The following NOS1 variants were observed in gnomAD, a reference collection of about 807,000 sequenced individuals.
NOS1 encodes the protein NOS type I.
A neutral mutation model predicts 164.5 loss-of-function variants in NOS1; 51 were observed. The observed-to-expected ratio is 0.31, with a 90% CI of 0.25 to 0.39. The LOEUF (loss-of-function observed/expected upper bound fraction) is 0.39, where lower values mean the gene tolerates loss of function less well. Ranked by LOEUF, NOS1 falls within the 10% of genes least tolerant of loss-of-function variation. The probability of loss-of-function intolerance (pLI) is 1.00; values close to 1 mark genes in which losing one functional copy is unlikely to be tolerated. For synonymous variants in NOS1, 719 were observed against 745.8 expected, an observed-to-expected ratio of 0.96 and a Z score of 0.59; for missense variants, 1,362 against 1,885.6, an observed-to-expected ratio of 0.72 and a Z score of 5.14.
chr12:117,301,056 AG>A (rs1366240923), intron 3 of NOS1, among the ~76,000 whole-genome samples: 1 of 152,204 alleles, frequency 6.6e-6, no homozygotes, highest in African/African-American at 2.4e-5. Context: ...AGAAGTTTTC[AG>A]AAGTTGAGGT....
At chr12:117,302,380 G>T (rs1873874954) in intron 3 of NOS1, among the ~76,000 whole-genome samples, 1 of 152,054 alleles carries the variant, frequency 6.6e-6, no homozygotes, top group African/African-American at 2.4e-5. Context: ...GGATCATGAG[G>T]TCAGGAGATC....
intron 1 of NOS1, among the ~76,000 whole-genome samples, chr12:117,336,355 G>A (rs1875819928): frequency 6.6e-6 from 1 of 152,296 alleles, no homozygotes; most frequent in East Asian, 1.9e-4. Context: ...ATGCAGAAAC[G>A]AGAAAACAGA....
At chr12:117,236,116 C>T (rs551338741) in intron 20 of NOS1, among the ~76,000 whole-genome samples, 1 of 152,288 alleles carries the variant, frequency 6.6e-6, no homozygotes, top group Admixed American at 6.5e-5. Flanking sequence ...TCACCCAACA[C>T]CTGCAAACTC....
chr12:117,345,688 T>C (rs1192787147), intron 1 of NOS1, among the ~76,000 whole-genome samples: 1 of 152,246 alleles, frequency 6.6e-6, no homozygotes, highest in Admixed American at 6.5e-5. Flanking sequence ...CTTCATTTAC[T>C]CAGCTTTTAT....
chr12:117,352,007 C>T (rs1305346478), intron 1 of NOS1, among the ~76,000 whole-genome samples: 1 of 151,932 alleles, frequency 6.6e-6, no homozygotes, highest in Non-Finnish European at 1.5e-5. Flanking sequence ...ATGGTGAGAC[C>T]CCGTCGCTAC....
At chr12:117,271,776 A>G (rs541751790) in intron 10 of NOS1, among the ~76,000 whole-genome samples, 4 of 152,258 alleles carry the variant, frequency 2.6e-5, no homozygotes, top group African/African-American at 9.6e-5. Flanking sequence ...TGCTTTCACC[A>G]AAGTTGGGCT....
intron 3 of NOS1, among the ~76,000 whole-genome samples, chr12:117,291,022 G>C (rs957832388): frequency 2.6e-5 from 4 of 152,086 alleles, no homozygotes; most frequent in Non-Finnish European, 4.4e-5. Flanking sequence ...AGATCAGCCT[G>C]GCCAACTTGG....
chr12:117,249,039 GGTT>G (rs1373788916), intron 17 of NOS1, among the ~76,000 whole-genome samples: 1 of 152,042 alleles, frequency 6.6e-6, no homozygotes, highest in African/African-American at 2.4e-5. Flanking sequence ...ATTTTGATGG[GGTT>G]GTTTGTTTTT....
Position 117,330,241 on chromosome 12 carries a change from G to C in NOS1, c.725+104C>G, listed in dbSNP as rs1875459402. ...AAAACAGGTATCTGAGACAGCCCAG[G>C]TTGGCTTCTGGGCTATGAGGCTGAG... On this transcript the variant is annotated intron_variant, in intron 2 of 28. Transcript: ENST00000317775. The surrounding 1 kb of genome is among the most constrained non-coding windows in gnomAD (Gnocchi z 4.6). The C allele has an allele frequency of 1.4e-6, 2 of 1,454,178 alleles. No individual in the cohort carries two copies. Among genetic ancestry groups the C allele is most frequent in the Admixed American group, 5.1e-5 (2 of 39,584 alleles). 90.1% of individuals were successfully genotyped at this position (1,454,178 alleles called of 1,614,324 possible).
chr12:117,309,069 T>G (rs1489775091), intron 3 of NOS1, among the ~76,000 whole-genome samples: 1 of 152,240 alleles, frequency 6.6e-6, no homozygotes, highest in Non-Finnish European at 1.5e-5. Context: ...GCTGTCTTTC[T>G]TTCTCTTGTG....
At chr12:117,278,474 G>T (rs1873358568) in intron 8 of NOS1, among the ~76,000 whole-genome samples, 1 of 152,210 alleles carries the variant, frequency 6.6e-6, no homozygotes, top group Non-Finnish European at 1.5e-5. Flanking sequence ...GGCAAGGGCT[G>T]AACCTGACTA....
At position 117,284,756 on chromosome 12, in the gene NOS1, T is replaced by C. The variant is rs9658360; in HGVS notation, c.1382+485A>G. On this transcript the variant is annotated intron_variant, in intron 7 of 28. Transcript: ENST00000317775. ...AAGGAAAATGGGATGGTGTATGGAA[T>C]AAAGATGCCGGGGCTGGGCGTGGTG... Among the ~76,000 whole-genome samples the C allele has an allele frequency of 4.3e-3, 660 of 152,132 alleles. 6 individuals carry two copies. Among genetic ancestry groups the C allele is most frequent in the Middle Eastern group, 0.014 (4 of 294 alleles).
intron 18 of NOS1, among the ~76,000 whole-genome samples, chr12:117,244,310 C>T (rs2135956520): frequency 6.6e-6 from 1 of 152,160 alleles, no homozygotes; most frequent in South Asian, 2.1e-4. Flanking sequence ...GTGGTGTGAT[C>T]TTGGCTCACT....
chr12:117,254,915 T>C (rs1871326323), intron 16 of NOS1, among the ~76,000 whole-genome samples: 2 of 152,170 alleles, frequency 1.3e-5, no homozygotes. Context: ...TCTATCAAAT[T>C]TCACATTTCA....
intron 10 of NOS1, among the ~76,000 whole-genome samples, chr12:117,270,415 T>C (rs932428487): frequency 1.3e-5 from 2 of 152,062 alleles, no homozygotes; most frequent in Non-Finnish European, 2.9e-5. Context: ...GCAGACTTAT[T>C]AACTCACTCT....
Position 117,356,926 on chromosome 12 carries a change from C to G in NOS1, c.-421+4586G>C, listed in dbSNP as rs1199941489. 6.6e-6 allele frequency among the ~76,000 whole-genome samples: 1 copy of G among 152,210 alleles called. No homozygotes were observed. Among genetic ancestry groups the G allele is most frequent in the Non-Finnish European group, 1.5e-5 (1 of 68,034 alleles). Reference sequence around the variant, plus strand: ...AAGGCCGATGGGCTGTGGAAATGAACTCAAACCAATGGCTTTGGTGAAATC... The same window carrying G: ...AAGGCCGATGGGCTGTGGAAATGAAGTCAAACCAATGGCTTTGGTGAAATC... On this transcript the variant is annotated intron_variant, in intron 1 of 28. Transcript: ENST00000317775. The surrounding 1 kb of genome is among the most constrained non-coding windows in gnomAD (Gnocchi z 4.2).
chr12:117,269,828 G>C (rs1872674465), intron 10 of NOS1, among the ~76,000 whole-genome samples: 1 of 152,140 alleles, frequency 6.6e-6, no homozygotes, highest in Non-Finnish European at 1.5e-5. Flanking sequence ...AGCAGGAAAA[G>C]CTCTTCATCT....
chr12:117,333,704 G>A (rs772275281), intron 1 of NOS1, among the ~76,000 whole-genome samples: 32 of 152,294 alleles, frequency 2.1e-4, no homozygotes, highest in Non-Finnish European at 3.7e-4. Context: ...GTATTCATGC[G>A]TCGCCCGCGT....
intron 1 of NOS1, among the ~76,000 whole-genome samples, chr12:117,349,618 C>T (rs1375384321): frequency 1.3e-5 from 2 of 152,166 alleles, no homozygotes; most frequent in Non-Finnish European, 2.9e-5. Context: ...AAAAATGGGT[C>T]CCACCAGTGG....
Sources: allele counts gnomAD v4.1 joint callset (sites outside exome capture counted in the v4.1 genomes callset), GRCh38; gene constraint gnomAD v4.1.1; non-coding constraint Gnocchi (gnomAD v3.1); transcripts MANE v1.5; gene names NCBI Gene and HGNC (gene_info 2026-07-23, HGNC 2026-07-21).